Variants in ADCY7 observed in about 807,000 individuals in gnomAD.
ADCY7 encodes adenylate cyclase type 7.
ADCY7 carries 72 observed loss-of-function variants against 120.6 expected under a neutral mutation model. The observed-to-expected ratio is 0.60, with a 90% confidence interval of 0.49 to 0.73. The LOEUF (loss-of-function observed/expected upper bound fraction) is 0.73, where lower values mean the gene tolerates loss of function less well. Among genes scored for constraint, ADCY7 ranks in the 30% least tolerant of loss-of-function variants. The pLI, the probability that ADCY7 is intolerant of heterozygous loss-of-function variation, is 0.00. For synonymous variants in ADCY7, 661 were observed against 628.0 expected (o/e 1.05, Z -0.78); for missense variants, 1,227 against 1,486.0 (o/e 0.83, Z 2.87).
chr16:50,254,538 GA>G (rs1024416400), intron 1 of ADCY7, among the ~76,000 whole-genome samples: 9 of 152,134 alleles, frequency 5.9e-5, no homozygotes, highest in African/African-American at 1.9e-4. Flanking sequence ...ATAGCCACGC[GA>G]AAAAATACTT....
intron 1 of ADCY7, among the ~76,000 whole-genome samples, chr16:50,251,715 G>A (rs965091942): frequency 4.6e-5 from 7 of 152,312 alleles, no homozygotes; most frequent in East Asian, 1.9e-4. Flanking sequence ...CCCAGAGCTC[G>A]GGCCTCCAGT....
chr16:50,284,339 G>A (rs557168420), intron 1 of ADCY7, among the ~76,000 whole-genome samples: 1 of 152,226 alleles, frequency 6.6e-6, no homozygotes, highest in South Asian at 2.1e-4. Context: ...TGCCCAGAAA[G>A]TGGCCTAATG....
chr16:50,260,307 C>A (rs2033026480), intron 1 of ADCY7, among the ~76,000 whole-genome samples: 1 of 152,208 alleles, frequency 6.6e-6, no homozygotes, highest in Non-Finnish European at 1.5e-5. Context: ...CACTCCTGAG[C>A]AGGGAGGGTG....
chr16:50,266,972 T>C (rs945728042), intron 1 of ADCY7, among the ~76,000 whole-genome samples: 3 of 152,140 alleles, frequency 2.0e-5, no homozygotes, highest in Non-Finnish European at 4.4e-5. Flanking sequence ...CCATCTGGAA[T>C]TCTAGGAACC....
chr16:50,311,974 T>TGCACAGCA (rs998301388), intron 20 of ADCY7, 62 bp from the exon 21 acceptor site: 2 of 1,602,714 alleles, frequency 1.2e-6, no homozygotes, highest in African/African-American at 2.7e-5. Context: ...GGCTAGGAGA[T>TGCACAGCA]GCACAGCAGC....
rs773683364 is a variant in ADCY7, at chr16:50,311,792, G to A, written c.2448+6G>A. The A allele has an allele frequency of 1.4e-6, 2 of 1,410,092 alleles. No individual in the cohort carries two copies. Among genetic ancestry groups the A allele is most frequent in the Admixed American group, 1.9e-5 (1 of 53,156 alleles). The allele number at this position is 1,410,092 out of a possible 1,614,324, so 87.3% of individuals were successfully genotyped here. A position where few individuals can be genotyped will look rare whatever the true frequency, so the allele number is the denominator to read the frequency against. ...TGCTTACACTCTCCAGACAGGTAAGGAGGCTGGCCCCCCCCCCCCCCCCAA... is the reference window on the plus strand; with the variant it reads ...TGCTTACACTCTCCAGACAGGTAAGAAGGCTGGCCCCCCCCCCCCCCCCAA... On this transcript the variant is annotated splice_donor_region_variant and intron_variant, in intron 20 of 25. Transcript: ENST00000673801.
At chr16:50,272,594 C>A (rs2033642302) in intron 1 of ADCY7, among the ~76,000 whole-genome samples, 1 of 152,142 alleles carries the variant, frequency 6.6e-6, no homozygotes. Context: ...CAGGCCCTGC[C>A]CCATTCACAA....
chr16:50,313,913 G>T (rs745832096), intron 22 of ADCY7, 45 bp from the exon 23 acceptor site: 1 of 1,540,494 alleles, frequency 6.5e-7, no homozygotes, highest in Admixed American at 1.7e-5. Context: ...GCCTGGCTGC[G>T]GCTATGGAGT....
chr16:50,253,342 C>T (rs1199756367), intron 1 of ADCY7, among the ~76,000 whole-genome samples: 1 of 152,192 alleles, frequency 6.6e-6, no homozygotes, highest in Non-Finnish European at 1.5e-5. Flanking sequence ...CCTCCGCCTC[C>T]TGGGTTCAGA....
At chr16:50,265,320 C>G (rs1233970083), upstream of ADCY7, among the ~76,000 whole-genome samples, 1 of 151,982 alleles carries the variant, frequency 6.6e-6, no homozygotes, top group Non-Finnish European at 1.5e-5. Flanking sequence ...GGGAGGATCC[C>G]CTGAGGTCTC....
intron 4 of ADCY7, 64 bp from the exon 5 acceptor site, chr16:50,292,612 G>A: frequency 6.3e-7 from 1 of 1,585,316 alleles, no homozygotes; most frequent in Non-Finnish European, 8.6e-7. Flanking sequence ...CCGCCTAGGG[G>A]TCTGGTGCCT....
intron 16 of ADCY7, 92 bp downstream of exon 16, chr16:50,308,503 C>T: frequency 1.9e-6 from 3 of 1,585,218 alleles, no homozygotes; most frequent in Non-Finnish European, 2.6e-6. Context: ...CTGGGCTGAG[C>T]CCCTGCTCTG....
intron 1 of ADCY7, among the ~76,000 whole-genome samples, chr16:50,281,036 C>T (rs1044347852): frequency 7.9e-5 from 12 of 152,118 alleles, no homozygotes; most frequent in Non-Finnish European, 1.3e-4. Flanking sequence ...AGTCTTTGCC[C>T]CTGCTCGGCA....
At position 50,301,197 on chromosome 16, in the gene ADCY7, C is replaced by A; in HGVS notation, c.1351C>A (p.Leu451Met). Residue 451 changes from leucine to methionine, a missense_variant, in exon 10 of 26, where the codon CTG becomes ATG. By Grantham distance (15) the Leu-to-Met change is conservative. Around this residue, in one of 5 missense-constraint regions of ADCY7, gnomAD observed 332 missense variants for 455.8 expected, o/e 0.73. Coordinates refer to ENST00000673801, the MANE Select transcript of ADCY7 (RefSeq NM_001114.5). ...CAAGGAGATGAACATCCGCACCTAC[C>A]TGGTCATCGACCCCCGGGTACGAGG... Reference protein sequence around the residue: ...YLKEMNIRTYLVIDPRSQQPP... With the variant: ...YLKEMNIRTYMVIDPRSQQPP... 1 of 1,601,706 alleles carries A rather than the reference C, an allele frequency of 6.2e-7. No individual in the cohort carries two copies. Among genetic ancestry groups the A allele is most frequent in the Non-Finnish European group, 8.5e-7 (1 of 1,174,272 alleles).
At position 50,291,776 on chromosome 16, in the gene ADCY7, T is replaced by C; in HGVS notation, c.416T>C (p.Leu139Pro). ...TTCATTGTCTTCGTGGTGTACACAC[T>C]ACTGCCCTTCAGCATGCGGGGCGCT... ...FLFIVFVVYT[L>P]LPFSMRGAVA... Residue 139 changes from leucine to proline, a missense_variant, in exon 4 of 26, where the codon CTA becomes CCA. By Grantham distance (98) the Leu-to-Pro change is moderately conservative. Around this residue, in one of 5 missense-constraint regions of ADCY7, gnomAD observed 382 missense variants for 411.4 expected, o/e 0.93. Coordinates refer to ENST00000673801, the MANE Select transcript of ADCY7 (RefSeq NM_001114.5). The C allele has an allele frequency of 6.2e-7, 1 of 1,614,160 alleles. No homozygotes were observed. Among genetic ancestry groups the C allele is most frequent in the Non-Finnish European group, 8.5e-7 (1 of 1,179,990 alleles).
chr16:50,245,457 C>G (rs757841352), upstream of ADCY7, among the ~76,000 whole-genome samples: 4 of 152,160 alleles, frequency 2.6e-5, no homozygotes, highest in Non-Finnish European at 5.9e-5. Context: ...CAGGGTGACT[C>G]ACAGGAGGCT....
At chr16:50,275,463 T>C (rs917982456) in intron 1 of ADCY7, among the ~76,000 whole-genome samples, 6 of 152,212 alleles carry the variant, frequency 3.9e-5, no homozygotes, top group Non-Finnish European at 5.9e-5. Context: ...AGTCAGCATT[T>C]CCCAAAGGAG....
intron 1 of ADCY7, among the ~76,000 whole-genome samples, chr16:50,246,953 C>T (rs1596779235): frequency 6.6e-6 from 1 of 152,314 alleles, no homozygotes; most frequent in East Asian, 1.9e-4. Context: ...ACGTGGGCGC[C>T]GTGGACAGAA....
Position 50,311,815 on chromosome 16 carries a change from C to A in ADCY7, c.2448+29C>A, listed in dbSNP as rs913483167. On this transcript the variant is annotated intron_variant, in intron 20 of 25. Coordinates refer to ENST00000673801, the MANE Select transcript of ADCY7 (RefSeq NM_001114.5). ...AGGAGGCTGGCCCCCCCCCCCCCCCCAAGCTCTGCCCACTTTTCCTCACCT... is the reference window on the plus strand; with the variant it reads ...AGGAGGCTGGCCCCCCCCCCCCCCCAAAGCTCTGCCCACTTTTCCTCACCT... 73 of 1,183,402 alleles carry A rather than the reference C, an allele frequency of 6.2e-5. 1 individual carries two copies. The highest frequency in any genetic ancestry group is 2.3e-4 in the Middle Eastern group (1 of 4,378). The allele number at this position is 1,183,402 out of a possible 1,614,324, so 73.3% of individuals were successfully genotyped here.
Sources: gnomAD v4.1 joint callset for allele counts (sites outside exome capture counted in the v4.1 genomes callset) on GRCh38, gnomAD v4.1.1 for gene constraint, gnomAD v4.1.1 regional missense constraint, MANE v1.5 for transcripts, NCBI Gene and HGNC (gene_info 2026-07-23, HGNC 2026-07-21) for gene names.